VEGFC: variants seen among roughly 807,000 people sequenced by gnomAD.
VEGFC encodes the protein vascular endothelial growth factor C, also known as FLT4 ligand DHM.
VEGFC carries 12 observed loss-of-function variants against 46.1 expected under a neutral mutation model. That is an observed-to-expected ratio of 0.26 (90% CI 0.17 to 0.42). The LOEUF (loss-of-function observed/expected upper bound fraction) is 0.42, where lower values mean the gene tolerates loss of function less well. Among genes scored for constraint, VEGFC ranks in the 10% least tolerant of loss-of-function variants. The pLI is 1.00. For missense variants in VEGFC, 488 were observed against 529.4 expected (o/e 0.92, Z 0.77); for synonymous variants, 232 against 195.5 (o/e 1.19, Z -1.56).
intron 4 of VEGFC, among the ~76,000 whole-genome samples, chr4:176,691,201 A>G (rs143690613): frequency 4.8e-4 from 73 of 152,314 alleles, no homozygotes; most frequent in African/African-American, 1.7e-3. Context: ...ATAGAGGTTT[A>G]GTAAAATTTG....
At chr4:176,707,112 A>C (rs1261659728) in intron 4 of VEGFC, among the ~76,000 whole-genome samples, 1 of 152,182 alleles carries the variant, frequency 6.6e-6, no homozygotes, top group African/African-American at 2.4e-5. Flanking sequence ...CTGTATGCAT[A>C]TACTAAGATG....
chr4:176,689,118 TAGA>T lies in VEGFC; in HGVS notation c.705-1194_705-1192del, dbSNP rs1172010155. ...ATCTAATGTTGGTGTAGACATCAAA[TAGA>T]AGTATTTATTTATATCTTTCACACT... On this transcript the variant is annotated intron_variant, in intron 4 of 6. Transcript: ENST00000618562. Among the ~76,000 whole-genome samples, 3 of 152,308 alleles carry T rather than the reference TAGA, an allele frequency of 2.0e-5. No homozygotes were observed. In the East Asian group the frequency reaches 5.8e-4, roughly 29 times the overall value.
rs376051564 is a variant in VEGFC at position 176,736,661 on chromosome 4, CTCTT to C, written c.148-6919_148-6916del. ...TTATACACATTTAAAAAATAAAAGA[CTCTT>C]TCTTGGTTGTAAGTACTCATTTGAA... On this transcript the variant is annotated intron_variant, in intron 1 of 6. Coordinates refer to ENST00000618562, the MANE Select transcript of VEGFC (RefSeq NM_005429.5). Among the ~76,000 whole-genome samples, 550 of 151,786 alleles carry C rather than the reference CTCTT, an allele frequency of 3.6e-3. 1 individual carries two copies. Among genetic ancestry groups the C allele is most frequent in the African/African-American group, 0.012 (486 of 41,498 alleles).
chr4:176,720,149 G>T (rs1734759483), intron 3 of VEGFC, among the ~76,000 whole-genome samples: 1 of 152,104 alleles, frequency 6.6e-6, no homozygotes, highest in African/African-American at 2.4e-5. Flanking sequence ...ATCAAAGAGG[G>T]AAATGCAGGG....
intron 3 of VEGFC, among the ~76,000 whole-genome samples, chr4:176,721,382 T>C (rs532979719): frequency 6.6e-6 from 1 of 152,156 alleles, no homozygotes; most frequent in Non-Finnish European, 1.5e-5. Flanking sequence ...AATAAGGCAA[T>C]GTTATCAAGG....
chr4:176,749,538 T>C (rs1735307658), intron 1 of VEGFC, among the ~76,000 whole-genome samples: 1 of 151,846 alleles, frequency 6.6e-6, no homozygotes, highest in Non-Finnish European at 1.5e-5. Context: ...AATATTTTCT[T>C]TATTCTGTCA....
In VEGFC at chr4:176,687,352, T is replaced by A. The variant is rs879072706; in HGVS notation, c.980A>T (p.Gln327Leu). 6 of 1,614,172 alleles carry A rather than the reference T, an allele frequency of 3.7e-6. No individual in the cohort carries two copies. The South Asian group carries it at 4.4e-5, about 12-fold the overall frequency. Residue 327 changes from glutamine (Q) to leucine (L), a missense_variant, in exon 6 of 7, where the codon CAA becomes CTA. By Grantham distance (113) the Gln-to-Leu change is moderately radical. Transcript: ENST00000618562. ...CVCKNKLFPSQCGANREFDEN... is the reference protein window; with the variant it reads ...CVCKNKLFPSLCGANREFDEN... The stretch of plus-strand genomic sequence containing the variant: ...ATCAAATTCTCGGTTGGCCCCACAT[T>A]GGCTGGGGAAGAGTTTGTTTTTACA...
At chr4:176,784,256 A>G (rs1452301107) in intron 1 of VEGFC, among the ~76,000 whole-genome samples, 1 of 151,638 alleles carries the variant, frequency 6.6e-6, no homozygotes, top group East Asian at 2.0e-4. Context: ...TTTTGTAGAG[A>G]TAGGGTTTTC....
At chr4:176,710,076 A>C (rs1480015374) in intron 4 of VEGFC, among the ~76,000 whole-genome samples, 2 of 152,216 alleles carry the variant, frequency 1.3e-5, no homozygotes, top group African/African-American at 4.8e-5. Context: ...ATAATGTAGA[A>C]ATAAAGGATT....
At chr4:176,695,523 G>C (rs1174530948) in intron 4 of VEGFC, among the ~76,000 whole-genome samples, 1 of 150,478 alleles carries the variant, frequency 6.6e-6, no homozygotes, top group African/African-American at 2.5e-5. Flanking sequence ...GGACCAGACG[G>C]ATTCACAGCC....
chr4:176,792,373 G>T lies in VEGFC; in HGVS notation c.-62C>A. 1 of 1,308,644 alleles carries T rather than the reference G, an allele frequency of 7.6e-7. No homozygotes were observed. The highest frequency in any genetic ancestry group is 1.7e-5 in the South Asian group (1 of 57,546). 81.1% of individuals were successfully genotyped at this position (1,308,644 alleles called of 1,614,324 possible). A position where few individuals can be genotyped will look rare whatever the true frequency, so the allele number is the denominator to read the frequency against. On this transcript the variant is annotated 5_prime_UTR_variant, in exon 1 of 7. Transcript: ENST00000618562. The surrounding 1 kb of genome is among the most constrained non-coding windows in gnomAD (Gnocchi z 6.3). ...CGGGGGCAGGGGTGGGGGCGCGGGC[G>T]CCCCTGCGAGGCCGCGGGCCCCTCC...
intron 1 of VEGFC, among the ~76,000 whole-genome samples, chr4:176,777,366 CTAAT>C (rs1735832035): frequency 6.6e-6 from 1 of 152,132 alleles, no homozygotes; most frequent in African/African-American, 2.4e-5. Context: ...AGCTATGTAA[CTAAT>C]TGTTATTTTT....
chr4:176,690,537 G>T (rs1034258964), intron 4 of VEGFC, among the ~76,000 whole-genome samples: 1 of 151,700 alleles, frequency 6.6e-6, no homozygotes, highest in Non-Finnish European at 1.5e-5. Context: ...TACTCATTGC[G>T]CATTTTTGTC....
chr4:176,783,244 A>T (rs1735945228), intron 1 of VEGFC, among the ~76,000 whole-genome samples: 1 of 152,230 alleles, frequency 6.6e-6, no homozygotes, highest in Non-Finnish European at 1.5e-5. Flanking sequence ...ATTCTGGAAG[A>T]GGGTCCCTTA....
Position 176,729,765 on chromosome 4 carries a change from A to T in VEGFC, c.148-19T>A. ...CATAAGCCTGTCAAAGAAAAATGCA[A>T]GATCAATGACTTACCAGCTTAAGGG... On this transcript the variant is annotated intron_variant, in intron 1 of 6. Coordinates refer to ENST00000618562, the MANE Select transcript of VEGFC (RefSeq NM_005429.5). 6.4e-7 allele frequency: 1 copy of T among 1,554,398 alleles called. No individual in the cohort carries two copies.
chr4:176,707,802 G>C (rs2110995418), intron 4 of VEGFC, among the ~76,000 whole-genome samples: 1 of 152,224 alleles, frequency 6.6e-6, no homozygotes, highest in South Asian at 2.1e-4. Flanking sequence ...GCTATGACTG[G>C]AGGATTTTCT....
intron 1 of VEGFC, among the ~76,000 whole-genome samples, chr4:176,763,938 G>C (rs1019135576): frequency 3.3e-5 from 5 of 151,840 alleles, no homozygotes; most frequent in African/African-American, 4.8e-5. Flanking sequence ...TAAACCAAAG[G>C]CCTATCCAAA....
At chr4:176,737,235 T>C (rs1297268794) in intron 1 of VEGFC, among the ~76,000 whole-genome samples, 2 of 147,596 alleles carry the variant, frequency 1.4e-5, no homozygotes, top group African/African-American at 4.9e-5. Context: ...ATATTCTATA[T>C]TTATTAACAT....
chr4:176,710,510 C>T (rs1245021613), intron 4 of VEGFC, among the ~76,000 whole-genome samples: 1 of 152,186 alleles, frequency 6.6e-6, no homozygotes, highest in Non-Finnish European at 1.5e-5. Flanking sequence ...CCCTATCTGC[C>T]ACACTAAGCA....
Sources: gnomAD v4.1 joint callset for allele counts (sites outside exome capture counted in the v4.1 genomes callset) on GRCh38, gnomAD v4.1.1 for gene constraint, Gnocchi (gnomAD v3.1) non-coding constraint, MANE v1.5 for transcripts, NCBI Gene and HGNC (gene_info 2026-07-23, HGNC 2026-07-21) for gene names.